SLC24A2: variants seen among roughly 807,000 people sequenced by gnomAD.
SLC24A2 encodes solute carrier family 24 member 2, also known as sodium/potassium/calcium exchanger 2.
SLC24A2 carries 36 observed loss-of-function variants against 62.0 expected under a neutral mutation model. The observed-to-expected ratio is 0.58, with a 90% CI of 0.44 to 0.77. The LOEUF (loss-of-function observed/expected upper bound fraction) is 0.77. SLC24A2 is among the 30% of genes least tolerant of loss of function. The pLI is 0.00. For missense variants in SLC24A2, 846 were observed against 817.9 expected (o/e 1.03, Z -0.42); for synonymous variants, 358 against 294.0 (o/e 1.22, Z -2.23).
chr9:19,731,536 T>A (rs558859925), intron 2 of SLC24A2, among the ~76,000 whole-genome samples: 34 of 124,492 alleles, frequency 2.7e-4, no homozygotes, highest in African/African-American at 7.7e-4. Context: ...TGTGTGTGTG[T>A]GTGTGTGCAT....
At chr9:20,110,241 T>G in the SLC24A2 span, among the ~76,000 whole-genome samples, 1 of 149,024 alleles carries the variant, frequency 6.7e-6, no homozygotes, top group Non-Finnish European at 1.5e-5. Flanking sequence ...TATTATAGAA[T>G]TTTTAGTTGC....
chr9:19,759,196 T>A (rs538482557), intron 2 of SLC24A2, among the ~76,000 whole-genome samples: 92 of 152,322 alleles, frequency 6.0e-4, no homozygotes, highest in Non-Finnish European at 1.1e-3. Context: ...ATTCTTACCA[T>A]GTCTGCCATA....
the SLC24A2 span, among the ~76,000 whole-genome samples, chr9:20,049,105 A>G: frequency 1.3e-5 from 2 of 152,142 alleles, no homozygotes; most frequent in African/African-American, 4.8e-5. Context: ...GCAACTATAT[A>G]TGGAAAGGGC....
At chr9:20,094,350 T>C in the SLC24A2 span, among the ~76,000 whole-genome samples, 1 of 152,340 alleles carries the variant, frequency 6.6e-6, no homozygotes, top group East Asian at 1.9e-4. Context: ...ATTAAACAAT[T>C]ATTTGTCAGA....
the SLC24A2 span, among the ~76,000 whole-genome samples, chr9:20,245,945 T>C: frequency 6.6e-6 from 1 of 152,184 alleles, no homozygotes; most frequent in African/African-American, 2.4e-5. Flanking sequence ...ATTTAGTGAA[T>C]AGCCTAAGGT....
intron 2 of SLC24A2, among the ~76,000 whole-genome samples, chr9:19,748,342 C>T (rs1203842811): frequency 2.6e-5 from 4 of 152,158 alleles, no homozygotes; most frequent in African/African-American, 4.8e-5. Flanking sequence ...TACCATGAGA[C>T]TTGTTTCTTT....
At chr9:19,625,094 C>T (rs1818000496) in intron 2 of SLC24A2, among the ~76,000 whole-genome samples, 1 of 152,028 alleles carries the variant, frequency 6.6e-6, no homozygotes. Flanking sequence ...TTATTCTAAC[C>T]CATGGGATAT....
chr9:19,831,280 G>A, the SLC24A2 span, among the ~76,000 whole-genome samples: 36 of 152,144 alleles, frequency 2.4e-4, no homozygotes, highest in African/African-American at 8.4e-4. Flanking sequence ...ATTGTAGTCT[G>A]GCTGCCAGGG....
At chr9:19,776,248 A>C (rs1026166953) in intron 2 of SLC24A2, among the ~76,000 whole-genome samples, 5 of 152,250 alleles carry the variant, frequency 3.3e-5, no homozygotes, top group African/African-American at 1.2e-4. Flanking sequence ...AGTGAGAAGC[A>C]CTCAGGTACA....
chr9:20,278,818 C>G, the SLC24A2 span, among the ~76,000 whole-genome samples: 3 of 152,314 alleles, frequency 2.0e-5, no homozygotes, highest in Admixed American at 2.0e-4. Flanking sequence ...ATCTTTACAA[C>G]AGTACCCAAC....
chr9:20,192,101 A>G, the SLC24A2 span, among the ~76,000 whole-genome samples: 9 of 152,172 alleles, frequency 5.9e-5, no homozygotes, highest in Non-Finnish European at 1.3e-4. Context: ...AATTTTCATG[A>G]AAGTGTTGGA....
chr9:20,122,546 G>C, the SLC24A2 span, among the ~76,000 whole-genome samples: 2 of 152,036 alleles, frequency 1.3e-5, no homozygotes, highest in Admixed American at 1.3e-4. Context: ...AAATTAGCTG[G>C]GCATGGTGGT....
At chr9:20,123,514 A>C in the SLC24A2 span, among the ~76,000 whole-genome samples, 2 of 152,210 alleles carry the variant, frequency 1.3e-5, no homozygotes, top group African/African-American at 4.8e-5. Flanking sequence ...TAAACTCAAA[A>C]TCAGGCAGAT....
chr9:20,241,457 G>A, the SLC24A2 span, among the ~76,000 whole-genome samples: 2 of 152,126 alleles, frequency 1.3e-5, no homozygotes, highest in African/African-American at 4.8e-5. Flanking sequence ...CTTTTTGAAG[G>A]TGATTTTAAT....
intron 2 of SLC24A2, among the ~76,000 whole-genome samples, chr9:19,735,464 C>G (rs1007231228): frequency 1.3e-5 from 2 of 152,038 alleles, no homozygotes; most frequent in African/African-American, 4.8e-5. Flanking sequence ...CCTCAGGGAT[C>G]TAGAACTAGA....
the SLC24A2 span, among the ~76,000 whole-genome samples, chr9:19,834,296 G>A: frequency 1.3e-5 from 2 of 150,872 alleles, no homozygotes; most frequent in Admixed American, 6.6e-5. Flanking sequence ...GAGGAAGTTC[G>A]AACCAATGGC....
At chr9:20,001,964 T>C in the SLC24A2 span, among the ~76,000 whole-genome samples, 1 of 152,324 alleles carries the variant, frequency 6.6e-6, no homozygotes, top group South Asian at 2.1e-4. Context: ...AGAATACTGT[T>C]TATGTGAGTT....
chr9:20,089,620 C>T, the SLC24A2 span, among the ~76,000 whole-genome samples: 1 of 152,056 alleles, frequency 6.6e-6, no homozygotes, highest in African/African-American at 2.4e-5. Context: ...CCAGAGTGAA[C>T]ATGCCCACTA....
intron 2 of SLC24A2, among the ~76,000 whole-genome samples, chr9:19,631,590 C>T (rs1351290337): frequency 6.6e-6 from 1 of 152,108 alleles, no homozygotes; most frequent in Non-Finnish European, 1.5e-5. Flanking sequence ...CAGTGTGCTG[C>T]CACCCCACGG....
Sources: gnomAD v4.1 joint callset for allele counts (sites outside exome capture counted in the v4.1 genomes callset) on GRCh38, gnomAD v4.1.1 for gene constraint, MANE v1.5 for transcripts, NCBI Gene and HGNC (gene_info 2026-07-23, HGNC 2026-07-21) for gene names.